Variants in FGF14 observed in about 807,000 individuals in gnomAD.
FGF14 encodes the protein fibroblast growth factor 14.
Under a neutral mutation model 25.5 loss-of-function variants are expected in FGF14, and 5 were observed. The ratio of observed to expected loss-of-function variants is 0.20; its 90% confidence interval spans 0.10 to 0.41. FGF14 has a LOEUF of 0.41. FGF14 is among the 10% of genes least tolerant of loss of function. The pLI, the probability that FGF14 is intolerant of heterozygous loss-of-function variation, is 1.00. For missense variants in FGF14, 222 were observed against 320.1 expected, an observed-to-expected ratio of 0.69 and a Z score of 2.34; for synonymous variants, 138 against 118.3, an observed-to-expected ratio of 1.17 and a Z score of -1.08.
intron 1 of FGF14, among the ~76,000 whole-genome samples, chr13:102,345,328 C>T (rs560675466): frequency 2.2e-4 from 33 of 152,262 alleles, no homozygotes; most frequent in African/African-American, 7.9e-4. Context: ...GTGGATAGCA[C>T]CTATTTCTAT....
chr13:102,152,798 T>C (rs976867170), intron 1 of FGF14, among the ~76,000 whole-genome samples: 4 of 152,360 alleles, frequency 2.6e-5, no homozygotes, highest in South Asian at 2.1e-4. Context: ...GAGCTTACCT[T>C]TGTGCAGTGA....
chr13:102,163,707 G>A (rs530394024), intron 1 of FGF14, among the ~76,000 whole-genome samples: 6 of 152,174 alleles, frequency 3.9e-5, no homozygotes, highest in South Asian at 4.1e-4. Flanking sequence ...GTAGGGTGGG[G>A]AAGTGACCAA....
intron 1 of FGF14, among the ~76,000 whole-genome samples, chr13:102,324,349 T>C (rs1390014621): frequency 6.6e-6 from 1 of 152,318 alleles, no homozygotes; most frequent in East Asian, 1.9e-4. Flanking sequence ...TTACTAAGTA[T>C]GTCCTTTGAG....
At chr13:102,157,623 A>G (rs1594194067) in intron 1 of FGF14, among the ~76,000 whole-genome samples, 1 of 152,224 alleles carries the variant, frequency 6.6e-6, no homozygotes, top group South Asian at 2.1e-4. Context: ...CTAAAACACC[A>G]AAAGCAATGG....
At chr13:102,141,801 T>C (rs1040292418) in intron 1 of FGF14, among the ~76,000 whole-genome samples, 2 of 152,216 alleles carry the variant, frequency 1.3e-5, no homozygotes, top group Non-Finnish European at 2.9e-5. Context: ...CATAAATTTA[T>C]GCATCTACCA....
At chr13:102,044,043 C>T (rs984360499) in intron 1 of FGF14, among the ~76,000 whole-genome samples, 6 of 152,194 alleles carry the variant, frequency 3.9e-5, no homozygotes, top group African/African-American at 1.4e-4. Flanking sequence ...AATGCCAATG[C>T]CCAAAGTAAG....
chr13:101,872,084 A>G (rs1186991168), intron 2 of FGF14, among the ~76,000 whole-genome samples: 1 of 151,872 alleles, frequency 6.6e-6, no homozygotes, highest in African/African-American at 2.4e-5. Flanking sequence ...ATCCATATTT[A>G]GTGTGGGAAA....
Position 101,797,772 on chromosome 13 carries a change from T to TGTGTGTGTGTGTGTGTGTGTGTGTGC in FGF14, c.408+70952_408+70953insGCACACACACACACACACACACACAC, listed in dbSNP as rs1555384576. 4.1e-5 allele frequency among the ~76,000 whole-genome samples: 6 copies of TGTGTGTGTGTGTGTGTGTGTGTGTGC among 145,670 alleles called. No individual in the cohort carries two copies. The East Asian group carries it at 1.3e-3, about 30-fold the overall frequency. ...GTGTGTGTGTGTGTGTGTGTGTGTG[T>TGTGTGTGTGTGTGTGTGTGTGTGTGC]GTGTGTGTGTTCAACCTCAGTAGAA... is the stretch of plus-strand genomic sequence containing the variant. On this transcript the variant is annotated intron_variant, in intron 3 of 4. Transcript: ENST00000376143.
At chr13:101,781,452 C>G (rs1461072184) in intron 3 of FGF14, among the ~76,000 whole-genome samples, 1 of 152,038 alleles carries the variant, frequency 6.6e-6, no homozygotes, top group Non-Finnish European at 1.5e-5. Context: ...ATACATATAT[C>G]GAATAGTAGA....
At chr13:102,082,638 T>C (rs2043680598) in intron 1 of FGF14, among the ~76,000 whole-genome samples, 1 of 152,096 alleles carries the variant, frequency 6.6e-6, no homozygotes, top group Non-Finnish European at 1.5e-5. Context: ...TATTCCAAAC[T>C]CAAATTAATG....
intron 1 of FGF14, among the ~76,000 whole-genome samples, chr13:102,117,950 A>G (rs2045549374): frequency 6.6e-6 from 1 of 152,150 alleles, no homozygotes; most frequent in Admixed American, 6.5e-5. Context: ...GAACCTTTTT[A>G]TTTAATTTCA....
At chr13:102,238,844 T>G (rs2051450213) in intron 1 of FGF14, among the ~76,000 whole-genome samples, 2 of 152,238 alleles carry the variant, frequency 1.3e-5, no homozygotes, top group South Asian at 4.1e-4. Flanking sequence ...TGCTCATTTA[T>G]GTGACTTATG....
intron 1 of FGF14, among the ~76,000 whole-genome samples, chr13:102,291,716 T>C (rs2210898): frequency 0.73 from 110,366 of 151,850 alleles, 40,332 homozygotes; most frequent in East Asian, 0.82. Context: ...AGAATAAGGC[T>C]GGGAAAAAAA....
At chr13:102,110,915 T>C (rs1052926631) in intron 1 of FGF14, among the ~76,000 whole-genome samples, 3 of 152,244 alleles carry the variant, frequency 2.0e-5, no homozygotes, top group African/African-American at 7.2e-5. Flanking sequence ...ACTCTTGCTA[T>C]AAACTGACAA....
At chr13:102,037,482 T>G (rs1422704371) in intron 1 of FGF14, among the ~76,000 whole-genome samples, 8 of 152,152 alleles carry the variant, frequency 5.3e-5, no homozygotes, top group Non-Finnish European at 1.0e-4. Flanking sequence ...ATAGCCCTAA[T>G]TATAATGAGC....
chr13:101,970,730 G>T (rs1456934121), intron 1 of FGF14, among the ~76,000 whole-genome samples: 1 of 152,110 alleles, frequency 6.6e-6, no homozygotes, highest in African/African-American at 2.4e-5. Context: ...GCATATTAAA[G>T]ACCTCCCCAC....
chr13:101,787,554 C>T (rs568795613), intron 3 of FGF14, among the ~76,000 whole-genome samples: 20 of 152,260 alleles, frequency 1.3e-4, no homozygotes, highest in African/African-American at 4.1e-4. Context: ...GTTTCCTCAA[C>T]GCATAACCCT....
chr13:101,961,088 CTT>C (rs1276851595), intron 1 of FGF14, among the ~76,000 whole-genome samples: 1 of 151,978 alleles, frequency 6.6e-6, no homozygotes, highest in Non-Finnish European at 1.5e-5. Flanking sequence ...GGATATTAGA[CTT>C]TTGTCAGGTG....
At chr13:101,806,956 G>C (rs1344059290) in intron 3 of FGF14, among the ~76,000 whole-genome samples, 1 of 151,820 alleles carries the variant, frequency 6.6e-6, no homozygotes, top group Non-Finnish European at 1.5e-5. Flanking sequence ...CATTTCTCTG[G>C]AATAAAATCT....
Sources: allele counts gnomAD v4.1 joint callset (sites outside exome capture counted in the v4.1 genomes callset), GRCh38; gene constraint gnomAD v4.1.1; transcripts MANE v1.5; gene names NCBI Gene and HGNC (gene_info 2026-07-23, HGNC 2026-07-21).